TTC28: variants seen among roughly 807,000 people sequenced by gnomAD.
TTC28 encodes the protein tetratricopeptide repeat domain 28.
A neutral mutation model predicts 198.0 loss-of-function variants in TTC28; 61 were observed. That is an observed-to-expected ratio of 0.31 (90% CI 0.25 to 0.38). The LOEUF is 0.38. Among genes scored for constraint, TTC28 ranks in the 10% least tolerant of loss-of-function variants. The pLI is 1.00. For synonymous variants in TTC28, 1,171 were observed against 1,297.8 expected (o/e 0.90, Z 2.10); for missense variants, 2,678 against 3,164.0 (o/e 0.85, Z 3.69).
rs191268507 is a variant in TTC28 at position 28,244,862 on chromosome 22, A to G, written c.933+51336T>C. Among the ~76,000 whole-genome samples, 4 of 152,318 alleles carry G rather than the reference A, an allele frequency of 2.6e-5. No homozygotes were observed. In the East Asian group the frequency reaches 7.7e-4, roughly 29 times the overall value. On this transcript the variant is annotated intron_variant, in intron 5 of 22. Coordinates refer to ENST00000397906, the MANE Select transcript of TTC28 (RefSeq NM_001145418.2). ...CCTTCAGAAACAAGCTAATAGCACAATTTGGTGTCAATTTCACAGCTCAGT... is the reference window on the plus strand; with the variant it reads ...CCTTCAGAAACAAGCTAATAGCACAGTTTGGTGTCAATTTCACAGCTCAGT...
chr22:28,317,307 T>A (rs1408674882), intron 2 of TTC28, among the ~76,000 whole-genome samples: 1 of 152,220 alleles, frequency 6.6e-6, no homozygotes, highest in African/African-American at 2.4e-5. Flanking sequence ...TGGTCTTTCA[T>A]AGGCCAAGTA....
intron 6 of TTC28, among the ~76,000 whole-genome samples, chr22:28,109,901 A>G (rs532426305): frequency 6.6e-6 from 1 of 152,356 alleles, no homozygotes; most frequent in African/African-American, 2.4e-5. Flanking sequence ...CATCTGAACT[A>G]AAAATAGATG....
At chr22:28,173,768 T>C (rs1300681030) in intron 5 of TTC28, among the ~76,000 whole-genome samples, 2 of 152,220 alleles carry the variant, frequency 1.3e-5, no homozygotes, top group African/African-American at 2.4e-5. Flanking sequence ...ACCCAAACTA[T>C]AACCACATCG....
chr22:28,464,303 A>T (rs1401808312), intron 2 of TTC28, among the ~76,000 whole-genome samples: 1 of 152,218 alleles, frequency 6.6e-6, no homozygotes, highest in Non-Finnish European at 1.5e-5. Flanking sequence ...ACCAGAATTA[A>T]TTTTTAATAC....
intron 2 of TTC28, among the ~76,000 whole-genome samples, chr22:28,517,568 T>C (rs942752186): frequency 3.9e-5 from 6 of 152,188 alleles, no homozygotes; most frequent in Admixed American, 3.9e-4. Flanking sequence ...GACAGAATTA[T>C]GGCCAGCGAA....
chr22:28,428,017 T>G (rs1252937897), intron 2 of TTC28, among the ~76,000 whole-genome samples: 1 of 152,032 alleles, frequency 6.6e-6, no homozygotes, highest in African/African-American at 2.4e-5. Flanking sequence ...CTTTAAGAAC[T>G]GCCTTCCTCA....
rs138177401 is a variant in TTC28 at position 28,656,129 on chromosome 22, C to T, written c.102+23493G>A. 3.5e-4 allele frequency among the ~76,000 whole-genome samples: 54 copies of T among 152,294 alleles called. 1 individual carries two copies. The highest frequency in any genetic ancestry group is 1.0e-3 in the African/African-American group (42 of 41,558). On this transcript the variant is annotated intron_variant, in intron 1 of 22. Coordinates refer to ENST00000397906, the MANE Select transcript of TTC28 (RefSeq NM_001145418.2). ...CCACCCCTAAGGCTGAGTTAACAAA[C>T]GCTCAGAGGAGGGACCCAGGGAACT...
chr22:27,990,716 G>T (rs1014429700), intron 20 of TTC28, 73 bp downstream of exon 20: 1 of 1,459,678 alleles, frequency 6.9e-7, no homozygotes, highest in Admixed American at 2.1e-5. Flanking sequence ...CTCAGAGCCT[G>T]CCCAGGGGAA....
intron 13 of TTC28, among the ~76,000 whole-genome samples, chr22:28,017,467 G>T (rs1175470689): frequency 6.6e-6 from 1 of 152,222 alleles, no homozygotes; most frequent in Non-Finnish European, 1.5e-5. Context: ...CTTTGGGACA[G>T]CACCATTTGA....
At chr22:28,375,059 G>A (rs1415178823) in intron 2 of TTC28, among the ~76,000 whole-genome samples, 1 of 151,700 alleles carries the variant, frequency 6.6e-6, no homozygotes, top group Non-Finnish European at 1.5e-5. Context: ...CTGCACTCCA[G>A]CCTGGATGGC....
intron 2 of TTC28, among the ~76,000 whole-genome samples, chr22:28,377,247 T>C (rs2046426447): frequency 7.0e-6 from 1 of 142,744 alleles, no homozygotes; most frequent in Non-Finnish European, 1.5e-5. Context: ...GGACATAATA[T>C]ATTCTAAAGT....
chr22:28,403,625 A>C (rs2046953124), intron 2 of TTC28, among the ~76,000 whole-genome samples: 1 of 152,180 alleles, frequency 6.6e-6, no homozygotes, highest in African/African-American at 2.4e-5. Context: ...AGAAACATTA[A>C]ATCGATGCCT....
chr22:28,471,121 G>A (rs750478456), intron 2 of TTC28, among the ~76,000 whole-genome samples: 10 of 152,134 alleles, frequency 6.6e-5, no homozygotes, highest in Non-Finnish European at 1.3e-4. Flanking sequence ...ATCTTTCAAC[G>A]CTTGGAAAAT....
At chr22:28,351,364 T>C (rs1319256314) in intron 2 of TTC28, among the ~76,000 whole-genome samples, 1 of 152,180 alleles carries the variant, frequency 6.6e-6, no homozygotes, top group Non-Finnish European at 1.5e-5. Context: ...AGAAAAATAC[T>C]ACCAAAACAA....
Position 27,983,383 on chromosome 22 carries a change from ACT to A in TTC28, c.6282_6283del (p.Arg2094SerfsTer46). 5.2e-6 allele frequency: 8 copies of A among 1,549,616 alleles called. No homozygotes were observed. Among genetic ancestry groups the A allele is most frequent in the Non-Finnish European group, 7.0e-6 (8 of 1,146,840 alleles). ...GATGCTCCCTTTGGAGCTCACCGAG[ACT>A]CTCATGCCTCCGGCTGTCCCAGGTT... On this transcript the variant is annotated frameshift_variant, in exon 23 of 23. Transcript: ENST00000397906. LOFTEE classifies it low-confidence loss of function (END_TRUNC).
chr22:28,516,402 A>G (rs193244576), intron 2 of TTC28, among the ~76,000 whole-genome samples: 9 of 152,320 alleles, frequency 5.9e-5, no homozygotes, highest in Non-Finnish European at 1.3e-4. Flanking sequence ...CTTTAGGATA[A>G]TATAATGGTT....
intron 12 of TTC28, among the ~76,000 whole-genome samples, chr22:28,089,732 TAA>T (rs895898788): frequency 7.2e-6 from 1 of 139,128 alleles, no homozygotes. Flanking sequence ...TTCAAATGTT[TAA>T]AAAAAAAAAG....
At chr22:28,073,869 C>T (rs1158307200) in intron 12 of TTC28, among the ~76,000 whole-genome samples, 4 of 152,158 alleles carry the variant, frequency 2.6e-5, no homozygotes, top group Non-Finnish European at 5.9e-5. Flanking sequence ...AAAACAGAAC[C>T]ACCCCAGTTT....
At chr22:28,036,938 T>G (rs1427902735) in intron 12 of TTC28, among the ~76,000 whole-genome samples, 6 of 152,186 alleles carry the variant, frequency 3.9e-5, no homozygotes, top group African/African-American at 1.4e-4. Context: ...GATAAATTCC[T>G]CGACACATAC....
Sources: allele counts gnomAD v4.1 joint callset (sites outside exome capture counted in the v4.1 genomes callset), GRCh38; gene constraint gnomAD v4.1.1; transcripts MANE v1.5; gene names NCBI Gene and HGNC (gene_info 2026-07-23, HGNC 2026-07-21).